The following FOXK1 variants were observed in gnomAD, a reference collection of about 807,000 sequenced individuals.
FOXK1 encodes the protein forkhead box K1.
A neutral mutation model predicts 51.9 loss-of-function variants in FOXK1; 19 were observed. The ratio of observed to expected loss-of-function variants is 0.37; its 90% confidence interval spans 0.26 to 0.54. FOXK1 has a LOEUF of 0.54. FOXK1 is among the 20% of genes least tolerant of loss of function. The pLI is 0.87. For missense variants in FOXK1, 870 were observed against 1,032.7 expected (o/e 0.84, Z 2.16); for synonymous variants, 537 against 482.6 (o/e 1.11, Z -1.48).
intron 1 of FOXK1, among the ~76,000 whole-genome samples, chr7:4,702,123 C>A (rs763513484): frequency 2.9e-4 from 44 of 152,142 alleles, no homozygotes; most frequent in Non-Finnish European, 5.1e-4. Context: ...CGTATTGTAC[C>A]CACTAAGAAT....
rs1435609448 is a variant in FOXK1 at position 4,747,338 on chromosome 7, C to T, written c.746+6315C>T. On this transcript the variant is annotated intron_variant, in intron 2 of 8. Transcript: ENST00000328914. This position sits in a 1 kb window ranked among gnomAD's most constrained non-coding sequence, Gnocchi z 9.2. Reference sequence around the variant, plus strand: ...GGAGCTGACCCCGGAACCTGCCTAGCTGCGGGGCCGCCTCTCCGCTCAAGC... The same window carrying T: ...GGAGCTGACCCCGGAACCTGCCTAGTTGCGGGGCCGCCTCTCCGCTCAAGC... Among the ~76,000 whole-genome samples the T allele has an allele frequency of 6.6e-6, 1 of 152,204 alleles. No homozygotes were observed. Among genetic ancestry groups the T allele is most frequent in the Non-Finnish European group, 1.5e-5 (1 of 68,028 alleles).
chr7:4,744,654 C>A (rs1780677830), intron 2 of FOXK1, among the ~76,000 whole-genome samples: 1 of 152,266 alleles, frequency 6.6e-6, no homozygotes, highest in Non-Finnish European at 1.5e-5. Flanking sequence ...TGGAGCTGTT[C>A]TGAGAAGCTG....
At chr7:4,691,045 T>C (rs529186353) in intron 1 of FOXK1, among the ~76,000 whole-genome samples, 1 of 152,302 alleles carries the variant, frequency 6.6e-6, no homozygotes, top group South Asian at 2.1e-4. Context: ...TTTCACGAGT[T>C]TCTAGTTTCC....
Position 4,715,148 on chromosome 7 carries a change from A to G in FOXK1, c.561-25690A>G, listed in dbSNP as rs1042100523. ...TGATATAGTGCACGGTGGAATTGTG[A>G]TACGGTACATGGTGGAACTGTGACG... On this transcript the variant is annotated intron_variant, in intron 1 of 8. Coordinates refer to ENST00000328914, the MANE Select transcript of FOXK1 (RefSeq NM_001037165.2). This position sits in a 1 kb window ranked among gnomAD's most constrained non-coding sequence, Gnocchi z 4.5. Among the ~76,000 whole-genome samples the G allele has an allele frequency of 6.6e-6, 1 of 152,128 alleles. No homozygotes were observed. Among genetic ancestry groups the G allele is most frequent in the African/African-American group, 2.4e-5 (1 of 41,422 alleles).
chr7:4,709,000 G>A (rs181278665), intron 1 of FOXK1, among the ~76,000 whole-genome samples: 2 of 151,656 alleles, frequency 1.3e-5, no homozygotes, highest in Non-Finnish European at 2.9e-5. Flanking sequence ...GAGAGGTGGA[G>A]GTTGCAGTGA....
intron 1 of FOXK1, among the ~76,000 whole-genome samples, chr7:4,712,265 C>T (rs1383876645): frequency 1.3e-5 from 2 of 151,986 alleles, no homozygotes; most frequent in East Asian, 3.9e-4. Flanking sequence ...GACTTGGAAA[C>T]GATTTACTCC....
intron 1 of FOXK1, among the ~76,000 whole-genome samples, chr7:4,718,172 C>T (rs1259903277): frequency 1.3e-5 from 2 of 152,196 alleles, no homozygotes; most frequent in East Asian, 3.8e-4. Flanking sequence ...CAGCCTCCTC[C>T]GACGCGTCCA....
intron 7 of FOXK1, among the ~76,000 whole-genome samples, chr7:4,760,410 G>A (rs912357141): frequency 1.3e-5 from 2 of 152,212 alleles, no homozygotes; most frequent in African/African-American, 2.4e-5. Flanking sequence ...TCCTCTCCGC[G>A]GTGGTGTTTG....
intron 1 of FOXK1, among the ~76,000 whole-genome samples, chr7:4,725,158 C>T (rs1002000698): frequency 6.6e-6 from 1 of 152,254 alleles, no homozygotes; most frequent in Non-Finnish European, 1.5e-5. Context: ...TGCAGGCGCG[C>T]GTTCTCTCTC....
chr7:4,705,983 C>CGT (rs1554249409), intron 1 of FOXK1, among the ~76,000 whole-genome samples: 2 of 91,722 alleles, frequency 2.2e-5, no homozygotes, highest in East Asian at 4.4e-4. Context: ...CGTATATATA[C>CGT]GTATATATAC....
At chr7:4,705,962 ATATATATATACG>A (rs1477062502) in intron 1 of FOXK1, among the ~76,000 whole-genome samples, 1 of 105,882 alleles carries the variant, frequency 9.4e-6, no homozygotes, top group Non-Finnish European at 1.7e-5. Context: ...ATATATATGT[ATATATATATACG>A]TATATATACG....
rs10275273 is a variant in FOXK1, at chr7:4,749,259, C to T, written c.747-5200C>T. On this transcript the variant is annotated intron_variant, in intron 2 of 8. Transcript: ENST00000328914. The surrounding 1 kb of genome is among the most constrained non-coding windows in gnomAD (Gnocchi z 6.0). ...TAGGGACGGGAACCATGTTTCATCT[C>T]CTCCCAAGCTCCCGTAGGCTTCCCT... is the stretch of plus-strand genomic sequence containing the variant. 0.025 allele frequency among the ~76,000 whole-genome samples: 3,862 copies of T among 152,298 alleles called. 157 individuals carry two copies. The highest frequency in any genetic ancestry group is 0.088 in the African/African-American group (3,663 of 41,554).
chr7:4,697,715 T>G (rs1430076374), intron 1 of FOXK1, among the ~76,000 whole-genome samples: 1 of 149,580 alleles, frequency 6.7e-6, no homozygotes, highest in Non-Finnish European at 1.5e-5. Context: ...TTCTAAAGGT[T>G]AGTGTTTACA....
rs1352645152 is a variant in FOXK1, at chr7:4,703,381, A to T, written c.560+20513A>T. ...AGCCTGGCTCTCAGGGGATGGGAGG[A>T]CAACTCGCTGAAGTTCGTGGCCCCA... On this transcript the variant is annotated intron_variant, in intron 1 of 8. Coordinates refer to ENST00000328914, the MANE Select transcript of FOXK1 (RefSeq NM_001037165.2). The surrounding 1 kb of genome is among the most constrained non-coding windows in gnomAD (Gnocchi z 5.6). Among the ~76,000 whole-genome samples, 3 of 152,122 alleles carry T rather than the reference A, an allele frequency of 2.0e-5. No homozygotes were observed. Among genetic ancestry groups the T allele is most frequent in the Admixed American group, 2.0e-4 (3 of 15,272 alleles).
At position 4,743,418 on chromosome 7, in the gene FOXK1, C is replaced by A. The variant is rs1354570318; in HGVS notation, c.746+2395C>A. 6.6e-6 allele frequency among the ~76,000 whole-genome samples: 1 copy of A among 152,086 alleles called. No homozygotes were observed. Among genetic ancestry groups the A allele is most frequent in the Non-Finnish European group, 1.5e-5 (1 of 68,020 alleles). Reference sequence around the variant, plus strand: ...TACAAAAATCAGCCAGGCATGGTGCCATATGTCTGTAATCCCAGCTACTCG... The same window carrying A: ...TACAAAAATCAGCCAGGCATGGTGCAATATGTCTGTAATCCCAGCTACTCG... On this transcript the variant is annotated intron_variant, in intron 2 of 8. Coordinates refer to ENST00000328914, the MANE Select transcript of FOXK1 (RefSeq NM_001037165.2). This position sits in a 1 kb window ranked among gnomAD's most constrained non-coding sequence, Gnocchi z 5.3.
chr7:4,742,363 C>T (rs1780646046), intron 2 of FOXK1, among the ~76,000 whole-genome samples: 1 of 152,176 alleles, frequency 6.6e-6, no homozygotes, highest in African/African-American at 2.4e-5. Context: ...ACCCCGGCCG[C>T]ACCTTGGCTT....
chr7:4,742,213 A>G (rs1001317162), intron 2 of FOXK1, among the ~76,000 whole-genome samples: 1 of 152,216 alleles, frequency 6.6e-6, no homozygotes, highest in Admixed American at 6.5e-5. Flanking sequence ...TTGACCTCAC[A>G]TATACCCTGA....
chr7:4,714,542 T>C (rs1308631022), intron 1 of FOXK1, among the ~76,000 whole-genome samples: 1 of 152,252 alleles, frequency 6.6e-6, no homozygotes, highest in Non-Finnish European at 1.5e-5. Flanking sequence ...CCCAGAGTGT[T>C]GGGATTACGG....
chr7:4,760,996 C>T, intron 7 of FOXK1, 68 bp from the exon 8 acceptor site: 2 of 1,477,378 alleles, frequency 1.4e-6, no homozygotes, highest in East Asian at 2.3e-5. Context: ...CGACCTGCTG[C>T]CCAGGCGTCG....
Sources: allele counts gnomAD v4.1 joint callset (sites outside exome capture counted in the v4.1 genomes callset), GRCh38; gene constraint gnomAD v4.1.1; non-coding constraint Gnocchi (gnomAD v3.1); transcripts MANE v1.5; gene names NCBI Gene and HGNC (gene_info 2026-07-23, HGNC 2026-07-21).